Variants in RBFOX1 observed in about 807,000 individuals in gnomAD.
RBFOX1 encodes the protein RNA binding fox-1 homolog 1.
Under a neutral mutation model 57.7 loss-of-function variants are expected in RBFOX1, and 8 were observed. That is an observed-to-expected ratio of 0.14 (90% confidence interval 0.08 to 0.25). RBFOX1 has a LOEUF of 0.25. Among genes scored for constraint, RBFOX1 ranks in the 10% least tolerant of loss-of-function variants. RBFOX1 has a pLI of 1.00. For missense variants in RBFOX1, 611 were observed against 548.5 expected (o/e 1.11, Z -1.14); for synonymous variants, 326 against 222.4 (o/e 1.47, Z -4.15).
At chr16:5,980,945 TG>T (rs1316093782) in intron 4 of RBFOX1, among the ~76,000 whole-genome samples, 1 of 152,174 alleles carries the variant, frequency 6.6e-6, no homozygotes, top group Admixed American at 6.5e-5. Context: ...TTTCCATTTC[TG>T]GAAGTGATGT....
intron 2 of RBFOX1, among the ~76,000 whole-genome samples, chr16:6,536,926 A>G (rs565864675): frequency 1.3e-5 from 2 of 152,332 alleles, no homozygotes; most frequent in African/African-American, 4.8e-5. Context: ...TTATGTGTAT[A>G]CAAAGTAATT....
intron 2 of RBFOX1, among the ~76,000 whole-genome samples, chr16:6,606,363 G>A (rs377689066): frequency 2.0e-5 from 3 of 152,068 alleles, no homozygotes; most frequent in African/African-American, 4.8e-5. Flanking sequence ...ATGACTGTAC[G>A]TGTTTTAAAA....
intron 3 of RBFOX1, among the ~76,000 whole-genome samples, chr16:5,703,904 A>C (rs534766286): frequency 1.3e-5 from 2 of 152,298 alleles, no homozygotes; most frequent in East Asian, 3.9e-4. Flanking sequence ...AGCATATTCA[A>C]AATTTTACAG....
chr16:5,269,646 G>C (rs7206596), intron 1 of RBFOX1, among the ~76,000 whole-genome samples: 12 of 152,042 alleles, frequency 7.9e-5, no homozygotes, highest in Non-Finnish European at 1.0e-4. Flanking sequence ...GAAATAGGAA[G>C]TTGATTAGTG....
chr16:7,424,323 A>G (rs56122554), intron 4 of RBFOX1, among the ~76,000 whole-genome samples: 6 of 152,238 alleles, frequency 3.9e-5, no homozygotes, highest in Non-Finnish European at 7.4e-5. Flanking sequence ...GCAGTGATGC[A>G]ATCTTTTCTG....
intron 3 of RBFOX1, among the ~76,000 whole-genome samples, chr16:6,920,781 C>T (rs1366344648): frequency 6.6e-6 from 1 of 152,180 alleles, no homozygotes; most frequent in African/African-American, 2.4e-5. Flanking sequence ...TGTGTCTTCT[C>T]CTCCTCTTAG....
chr16:6,079,188 C>G (rs1435598620), intron 1 of RBFOX1, among the ~76,000 whole-genome samples: 1 of 152,146 alleles, frequency 6.6e-6, no homozygotes, highest in Non-Finnish European at 1.5e-5. Flanking sequence ...TGCCTGTAAT[C>G]CCAGCTATTC....
At chr16:6,661,787 C>G (rs1190174400) in intron 3 of RBFOX1, among the ~76,000 whole-genome samples, 2 of 152,200 alleles carry the variant, frequency 1.3e-5, no homozygotes, top group South Asian at 2.1e-4. Context: ...ATGCAACTGT[C>G]TCTTTGAAAT....
intron 3 of RBFOX1, among the ~76,000 whole-genome samples, chr16:5,605,391 AGG>A (rs2047536143): frequency 6.6e-6 from 1 of 152,166 alleles, no homozygotes; most frequent in African/African-American, 2.4e-5. Flanking sequence ...ATGGGAGTGG[AGG>A]TTAGACCCAG....
At chr16:6,506,332 C>T (rs1480634539) in intron 2 of RBFOX1, among the ~76,000 whole-genome samples, 2 of 151,884 alleles carry the variant, frequency 1.3e-5, no homozygotes, top group African/African-American at 4.8e-5. Flanking sequence ...GAGGGAAGAG[C>T]CAGACACTCA....
At chr16:6,547,991 C>T (rs1464264849) in intron 2 of RBFOX1, among the ~76,000 whole-genome samples, 3 of 152,128 alleles carry the variant, frequency 2.0e-5, no homozygotes, top group African/African-American at 7.2e-5. Context: ...CACTGAAAGT[C>T]CTTTAATCAT....
chr16:5,578,565 T>A (rs1015651033), intron 2 of RBFOX1, among the ~76,000 whole-genome samples: 50 of 152,170 alleles, frequency 3.3e-4, no homozygotes, highest in African/African-American at 1.2e-3. Context: ...ATCAGGTACT[T>A]CCTGCAAACA....
chr16:7,622,403 G>T (rs2142082616), intron 10 of RBFOX1, among the ~76,000 whole-genome samples: 1 of 152,262 alleles, frequency 6.6e-6, no homozygotes. Flanking sequence ...TTATTGTTAG[G>T]TTTATCATAT....
At chr16:6,122,377 CA>C (rs2096557300) in intron 1 of RBFOX1, among the ~76,000 whole-genome samples, 2 of 151,818 alleles carry the variant, frequency 1.3e-5, no homozygotes, top group African/African-American at 2.4e-5. Context: ...CACACACACA[CA>C]CACACACACA....
Position 7,426,015 on chromosome 16 carries a change from CT to C in RBFOX1, c.28-92131del, listed in dbSNP as rs2098607307. Among the ~76,000 whole-genome samples, 3 of 152,208 alleles carry C rather than the reference CT, an allele frequency of 2.0e-5. No individual in the cohort carries two copies. In the South Asian group the frequency reaches 6.2e-4, roughly 31 times the overall value. The stretch of plus-strand genomic sequence containing the variant: ...GGTGTTCATTTGTTCAAGGCGGCAT[CT>C]GGGCCTCGGATGTCGGGAGAGACCC... On this transcript the variant is annotated intron_variant, in intron 4 of 15. Coordinates refer to ENST00000550418, the MANE Select transcript of RBFOX1 (RefSeq NM_018723.4).
intron 3 of RBFOX1, among the ~76,000 whole-genome samples, chr16:7,032,742 T>G (rs1005867579): frequency 3.3e-5 from 5 of 152,126 alleles, no homozygotes; most frequent in Admixed American, 2.0e-4. Flanking sequence ...GTTATTTTGT[T>G]GTCGGTGGCA....
At chr16:6,855,553 T>C (rs2057692649) in intron 3 of RBFOX1, among the ~76,000 whole-genome samples, 1 of 149,814 alleles carries the variant, frequency 6.7e-6, no homozygotes, top group South Asian at 2.1e-4. Context: ...CTGGGGAGGC[T>C]GAGGCAGGAG....
intron 4 of RBFOX1, among the ~76,000 whole-genome samples, chr16:5,940,201 T>C (rs931026001): frequency 5.9e-5 from 9 of 152,240 alleles, no homozygotes; most frequent in African/African-American, 1.9e-4. Flanking sequence ...AGAGTAACCA[T>C]TGAGAAACCA....
intron 1 of RBFOX1, among the ~76,000 whole-genome samples, chr16:6,020,622 G>A (rs1172303200): frequency 6.6e-6 from 1 of 152,174 alleles, no homozygotes; most frequent in East Asian, 1.9e-4. Context: ...CTGGTTCCTG[G>A]GAGCCTTAGA....
Sources: allele counts gnomAD v4.1 joint callset (sites outside exome capture counted in the v4.1 genomes callset), GRCh38; gene constraint gnomAD v4.1.1; transcripts MANE v1.5; gene names NCBI Gene and HGNC (gene_info 2026-07-23, HGNC 2026-07-21).